The following PPP2R2B variants were observed in gnomAD, a reference collection of about 807,000 sequenced individuals.
PPP2R2B encodes protein phosphatase 2 regulatory subunit Bbeta, also known as serine/threonine-protein phosphatase 2A 55 kDa regulatory subunit B beta isoform.
Under a neutral mutation model 46.0 loss-of-function variants are expected in PPP2R2B, and 5 were observed. That is an observed-to-expected ratio of 0.11 (90% confidence interval 0.06 to 0.23). The LOEUF (loss-of-function observed/expected upper bound fraction) is 0.23. Ranked by LOEUF, PPP2R2B falls within the 10% of genes least tolerant of loss-of-function variation. The probability of loss-of-function intolerance (pLI) is 1.00; values close to 1 mark genes in which losing one functional copy is unlikely to be tolerated. For synonymous variants in PPP2R2B, 215 were observed against 206.7 expected (o/e 1.04, Z -0.34); for missense variants, 367 against 575.0 (o/e 0.64, Z 3.70).
At chr5:146,781,229 C>A (rs1192874083) in intron 2 of PPP2R2B, among the ~76,000 whole-genome samples, 1 of 133,846 alleles carries the variant, frequency 7.5e-6, no homozygotes, top group East Asian at 2.2e-4. Flanking sequence ...ACTAAGTAAA[C>A]CTGCCCCAAA....
intron 2 of PPP2R2B, among the ~76,000 whole-genome samples, chr5:147,069,014 A>G (rs1244505211): frequency 6.6e-6 from 1 of 152,218 alleles, no homozygotes; most frequent in Non-Finnish European, 1.5e-5. Flanking sequence ...TATCACCCAC[A>G]GTAAAAAATA....
At chr5:147,054,669 GA>G (rs1394593033) in intron 1 of PPP2R2B, 22 of 456,210 alleles carry the variant, frequency 4.8e-5, no homozygotes, top group African/African-American at 4.2e-4. Flanking sequence ...CCTGGAGGAT[GA>G]AAACAAGAGT....
chr5:146,804,131 C>T (rs1757032031), intron 2 of PPP2R2B, among the ~76,000 whole-genome samples: 1 of 151,510 alleles, frequency 6.6e-6, no homozygotes, highest in Admixed American at 6.6e-5. Flanking sequence ...CATGCCACTG[C>T]ACTCCAGCCT....
At chr5:146,628,656 A>T (rs1049802062) in intron 7 of PPP2R2B, among the ~76,000 whole-genome samples, 1 of 152,222 alleles carries the variant, frequency 6.6e-6, no homozygotes, top group Non-Finnish European at 1.5e-5. Context: ...TGGAATTAAG[A>T]TGCTACTGCA....
At chr5:146,919,087 T>A (rs1582426076) in intron 1 of PPP2R2B, among the ~76,000 whole-genome samples, 6 of 152,214 alleles carry the variant, frequency 3.9e-5, no homozygotes, top group Admixed American at 3.9e-4. Context: ...AGGAAACAGG[T>A]TAAGAGGAGT....
intron 1 of PPP2R2B, among the ~76,000 whole-genome samples, chr5:147,012,838 C>T (rs1358924451): frequency 1.3e-5 from 2 of 151,878 alleles, no homozygotes; most frequent in Non-Finnish European, 2.9e-5. Flanking sequence ...TCGTTATGTA[C>T]CCAGTAGTCA....
At chr5:147,079,595 A>C (rs1435610888) in intron 2 of PPP2R2B, among the ~76,000 whole-genome samples, 1 of 151,868 alleles carries the variant, frequency 6.6e-6, no homozygotes, top group Non-Finnish European at 1.5e-5. Flanking sequence ...AGGCACAGAC[A>C]GACAAATACC....
chr5:146,985,428 T>C (rs961910841), intron 1 of PPP2R2B, among the ~76,000 whole-genome samples: 1 of 152,214 alleles, frequency 6.6e-6, no homozygotes, highest in African/African-American at 2.4e-5. Flanking sequence ...ATCTGTTTAT[T>C]TTTGCTTTTG....
intron 1 of PPP2R2B, among the ~76,000 whole-genome samples, chr5:146,917,446 T>A (rs1397591597): frequency 6.6e-6 from 1 of 152,254 alleles, no homozygotes; most frequent in Non-Finnish European, 1.5e-5. Flanking sequence ...GCATTATATA[T>A]GAGCCTCAGA....
At position 146,804,166 on chromosome 5, in the gene PPP2R2B, CAA is replaced by C. The variant is rs559681616; in HGVS notation, c.70+73834_70+73835del. ...TGGGTGACAGAGGGAGACTCTGTCT[CAA>C]AAAAAAAAAATTATATTATATAATT... is the stretch of plus-strand genomic sequence containing the variant. On this transcript the variant is annotated intron_variant, in intron 2 of 9. Transcript: ENST00000394411. 1.8e-3 allele frequency among the ~76,000 whole-genome samples: 235 copies of C among 133,338 alleles called. 1 individual carries two copies. The highest frequency in any genetic ancestry group is 6.1e-3 in the African/African-American group (225 of 36,854). 87.5% of individuals were successfully genotyped at this position (133,338 alleles called of 152,430 possible).
chr5:146,900,749 G>A (rs1369958868), intron 1 of PPP2R2B, among the ~76,000 whole-genome samples: 2 of 151,848 alleles, frequency 1.3e-5, no homozygotes, highest in African/African-American at 4.8e-5. Flanking sequence ...ATTAAGCCGG[G>A]CATGCATTAG....
intron 2 of PPP2R2B, among the ~76,000 whole-genome samples, chr5:147,079,445 C>CATATATATATATATATATAT (rs58393815): frequency 2.3e-5 from 3 of 132,304 alleles, no homozygotes; most frequent in East Asian, 2.2e-4. Context: ...TATATATATA[C>CATATATATATATATATATAT]ATATATATAT....
At chr5:146,995,580 A>T (rs1753888364) in intron 1 of PPP2R2B, among the ~76,000 whole-genome samples, 1 of 152,220 alleles carries the variant, frequency 6.6e-6, no homozygotes, top group Admixed American at 6.5e-5. Flanking sequence ...TACTTTTAGT[A>T]TCCATCTCCC....
chr5:146,767,639 A>C (rs970538925), intron 2 of PPP2R2B, among the ~76,000 whole-genome samples: 2 of 152,096 alleles, frequency 1.3e-5, no homozygotes, highest in Non-Finnish European at 2.9e-5. Context: ...GAGATTTCCC[A>C]TACACTCCCT....
intron 2 of PPP2R2B, among the ~76,000 whole-genome samples, chr5:147,077,298 ACACACACACACACC>A (rs1182731487): frequency 1.1e-4 from 17 of 148,390 alleles, no homozygotes; most frequent in African/African-American, 4.3e-4. Flanking sequence ...ACACACACAC[ACACACACACACACC>A]CACACCCACA....
intron 1 of PPP2R2B, among the ~76,000 whole-genome samples, chr5:146,962,651 A>G (rs1010220441): frequency 6.8e-6 from 1 of 146,928 alleles, no homozygotes; most frequent in Non-Finnish European, 1.5e-5. Context: ...TAAAAATAAT[A>G]AAAAAAAAAC....
chr5:146,706,799 C>T (rs917439088), intron 2 of PPP2R2B: 10 of 849,654 alleles, frequency 1.2e-5, no homozygotes, highest in East Asian at 4.8e-5. Context: ...AGCCCGACTG[C>T]GGTTGGCGAT....
chr5:146,775,479 A>G (rs1351536460), intron 2 of PPP2R2B, among the ~76,000 whole-genome samples: 1 of 152,204 alleles, frequency 6.6e-6, no homozygotes, highest in Non-Finnish European at 1.5e-5. Context: ...CATTAGAAAT[A>G]GAAGGGAACA....
At chr5:146,926,646 T>G (rs926501324) in intron 1 of PPP2R2B, among the ~76,000 whole-genome samples, 15 of 152,182 alleles carry the variant, frequency 9.9e-5, no homozygotes, top group African/African-American at 3.4e-4. Context: ...CTTAAACCAC[T>G]AAGATTTCCA....
Sources: gnomAD v4.1 joint callset for allele counts (sites outside exome capture counted in the v4.1 genomes callset) on GRCh38, gnomAD v4.1.1 for gene constraint, MANE v1.5 for transcripts, NCBI Gene and HGNC (gene_info 2026-07-23, HGNC 2026-07-21) for gene names.